MAGI2: variants seen among roughly 807,000 people sequenced by gnomAD.
MAGI2 encodes membrane-associated guanylate kinase, WW and PDZ domain-containing protein 2.
A neutral mutation model predicts 133.3 loss-of-function variants in MAGI2; 35 were observed. The observed-to-expected ratio is 0.26, with a 90% CI of 0.20 to 0.35. MAGI2 has a LOEUF of 0.35. Ranked by LOEUF, MAGI2 falls within the 10% of genes least tolerant of loss-of-function variation. The pLI is 1.00. For missense variants in MAGI2, 1,636 were observed against 1,863.4 expected, an observed-to-expected ratio of 0.88 and a Z score of 2.25; for synonymous variants, 729 against 710.6, an observed-to-expected ratio of 1.03 and a Z score of -0.41.
chr7:79,277,150 T>C (rs1263866515), intron 1 of MAGI2, among the ~76,000 whole-genome samples: 1 of 152,108 alleles, frequency 6.6e-6, no homozygotes, highest in East Asian at 1.9e-4. Flanking sequence ...AAAATGTGAT[T>C]GCTTGTCTTA....
intron 4 of MAGI2, among the ~76,000 whole-genome samples, chr7:78,511,135 T>C (rs1192185253): frequency 6.6e-6 from 1 of 152,222 alleles, no homozygotes; most frequent in East Asian, 1.9e-4. Context: ...GCTTAGAATT[T>C]GAACTACAGG....
chr7:78,401,891 C>G (rs1389277516), intron 6 of MAGI2, among the ~76,000 whole-genome samples: 1 of 151,852 alleles, frequency 6.6e-6, no homozygotes, highest in Admixed American at 6.6e-5. Context: ...TCCCTTTCTC[C>G]CTTCTTCCCT....
chr7:78,554,226 C>T (rs1584609580), intron 3 of MAGI2, among the ~76,000 whole-genome samples: 2 of 152,134 alleles, frequency 1.3e-5, no homozygotes, highest in Admixed American at 1.3e-4. Context: ...CATGATTACA[C>T]ACAGCAAAGC....
intron 3 of MAGI2, among the ~76,000 whole-genome samples, chr7:78,619,763 C>T (rs1807520664): frequency 6.6e-6 from 1 of 151,822 alleles, no homozygotes; most frequent in Non-Finnish European, 1.5e-5. Context: ...TAACTCTGAA[C>T]ACAAATTGAA....
intron 6 of MAGI2, among the ~76,000 whole-genome samples, chr7:78,483,708 C>T (rs1167494092): frequency 6.6e-6 from 1 of 151,836 alleles, no homozygotes; most frequent in African/African-American, 2.4e-5. Context: ...CTGGAAAGGG[C>T]ACTATATTAT....
chr7:78,765,787 A>T (rs1202984753), intron 2 of MAGI2, among the ~76,000 whole-genome samples: 1 of 152,158 alleles, frequency 6.6e-6, no homozygotes, highest in Non-Finnish European at 1.5e-5. Flanking sequence ...AATAACACTA[A>T]CATAAAACTA....
chr7:79,320,091 A>G (rs1839053227), intron 1 of MAGI2, among the ~76,000 whole-genome samples: 1 of 152,132 alleles, frequency 6.6e-6, no homozygotes, highest in Non-Finnish European at 1.5e-5. Context: ...TGACTGTTAC[A>G]TATTCTAAAT....
intron 1 of MAGI2, among the ~76,000 whole-genome samples, chr7:79,364,196 A>C (rs917785687): frequency 5.3e-5 from 8 of 152,170 alleles, no homozygotes; most frequent in Middle Eastern, 3.4e-3. Context: ...TTTCTCAAAA[A>C]ACTAAAAGTA....
chr7:79,378,926 GTATATATATATATA>G lies in MAGI2; in HGVS notation c.301+74080_301+74093del, dbSNP rs59388508. Reference sequence around the variant, plus strand: ...CTTTTATATATATATATGTGTGTGTGTATATATATATATATATATATATATATATATATATATAT... The same window carrying G: ...CTTTTATATATATATATGTGTGTGTGTATATATATATATATATATATATAT... On this transcript the variant is annotated intron_variant, in intron 1 of 21. Coordinates refer to ENST00000354212, the MANE Select transcript of MAGI2 (RefSeq NM_012301.4). Among the ~76,000 whole-genome samples, 52 of 94,606 alleles carry G rather than the reference GTATATATATATATA, an allele frequency of 5.5e-4. No homozygotes were observed. The East Asian group carries it at 0.012, about 22-fold the overall frequency. 62.1% of individuals were successfully genotyped at this position (94,606 alleles called of 152,430 possible). A position where few individuals can be genotyped will look rare whatever the true frequency, so the allele number is the denominator to read the frequency against.
intron 9 of MAGI2, among the ~76,000 whole-genome samples, chr7:78,283,742 T>A (rs1795861305): frequency 6.6e-6 from 1 of 152,112 alleles, no homozygotes; most frequent in Non-Finnish European, 1.5e-5. Context: ...ATCTATAGAA[T>A]ACATGCCTAT....
intron 10 of MAGI2, among the ~76,000 whole-genome samples, chr7:78,218,141 T>TG (rs1313725844): frequency 6.6e-6 from 1 of 152,232 alleles, no homozygotes; most frequent in African/African-American, 2.4e-5. Flanking sequence ...ATTGCTCTAT[T>TG]GCATAGATGA....
intron 2 of MAGI2, among the ~76,000 whole-genome samples, chr7:78,884,049 T>C (rs1796083518): frequency 6.6e-6 from 1 of 152,106 alleles, no homozygotes; most frequent in African/African-American, 2.4e-5. Context: ...AAAAGAAACT[T>C]TCAACAGAAT....
At chr7:78,027,791 T>C (rs1260881406) in intron 21 of MAGI2, among the ~76,000 whole-genome samples, 2 of 152,184 alleles carry the variant, frequency 1.3e-5, no homozygotes, top group Non-Finnish European at 2.9e-5. Flanking sequence ...TATTAGATAC[T>C]GGAGACACTG....
At chr7:78,968,368 C>T (rs1367170898) in intron 2 of MAGI2, among the ~76,000 whole-genome samples, 1 of 150,470 alleles carries the variant, frequency 6.6e-6, no homozygotes, top group African/African-American at 2.4e-5. Context: ...AGTATTAGGT[C>T]TTCTAATCTA....
chr7:79,159,047 A>G lies in MAGI2; in HGVS notation c.302-151841T>C, dbSNP rs1210755305. 2.0e-5 allele frequency among the ~76,000 whole-genome samples: 3 copies of G among 152,138 alleles called. No individual in the cohort carries two copies. In the East Asian group the frequency reaches 5.8e-4, roughly 29 times the overall value. ...ACAAGTTAAAAGGAACCAGGAAATA[A>G]AAGATGTAAAGAAAGTTAAATCTAT... On this transcript the variant is annotated intron_variant, in intron 1 of 21. Coordinates refer to ENST00000354212, the MANE Select transcript of MAGI2 (RefSeq NM_012301.4).
chr7:79,025,221 G>T (rs1322842084), intron 1 of MAGI2, among the ~76,000 whole-genome samples: 1 of 152,100 alleles, frequency 6.6e-6, no homozygotes, highest in East Asian at 1.9e-4. Flanking sequence ...TAGAGTGGGA[G>T]GCCATTATCC....
intron 2 of MAGI2, among the ~76,000 whole-genome samples, chr7:78,654,198 A>G (rs954504244): frequency 6.6e-6 from 1 of 152,160 alleles, no homozygotes; most frequent in African/African-American, 2.4e-5. Flanking sequence ...TCTATCACTT[A>G]CTAGCTGGGC....
chr7:79,136,003 G>GAAAGAAAGAAAGAAAGAGAAAGAAAGAA, intron 1 of MAGI2, among the ~76,000 whole-genome samples: 1 of 40,924 alleles, frequency 2.4e-5, no homozygotes, highest in South Asian at 7.9e-4. Context: ...AAGAAAGAAA[G>GAAAGAAAGAAAGAAAGAGAAAGAAAGAA]AGAAAGAAAG....
At position 78,728,862 on chromosome 7, in the gene MAGI2, G is replaced by T. The variant is rs1174649923; in HGVS notation, c.419-101623C>A. ...TTACAGGCGTGAGCCACCGCGCCCG[G>T]CCCCATCTTTCTCTGATCTTTTTAT... On this transcript the variant is annotated intron_variant, in intron 2 of 21. Transcript: ENST00000354212. Among the ~76,000 whole-genome samples the T allele has an allele frequency of 2.4e-5, 3 of 124,288 alleles. 1 individual carries two copies. The East Asian group carries it at 9.8e-4, about 40-fold the overall frequency. 81.5% of individuals were successfully genotyped at this position (124,288 alleles called of 152,430 possible). A position where few individuals can be genotyped will look rare whatever the true frequency, so the allele number is the denominator to read the frequency against.
Sources: gnomAD v4.1 joint callset for allele counts (sites outside exome capture counted in the v4.1 genomes callset) on GRCh38, gnomAD v4.1.1 for gene constraint, MANE v1.5 for transcripts, NCBI Gene and HGNC (gene_info 2026-07-23, HGNC 2026-07-21) for gene names.